Variants in PCDHGB3 observed in about 807,000 individuals in gnomAD.
PCDHGB3 encodes protocadherin gamma subfamily B, 3.
Under a neutral mutation model 59.2 loss-of-function variants are expected in PCDHGB3, and 40 were observed. The ratio of observed to expected loss-of-function variants is 0.68; its 90% CI spans 0.52 to 0.88. The LOEUF is 0.88. Ranked by LOEUF, PCDHGB3 falls within the 40% of genes least tolerant of loss-of-function variation. The pLI is 0.00. For missense variants in PCDHGB3, 1,309 were observed against 1,187.9 expected (o/e 1.10, Z -1.50); for synonymous variants, 581 against 503.6 (o/e 1.15, Z -2.06).
In PCDHGB3 at chr5:141,374,145, G is replaced by A. The variant is rs749263007; in HGVS notation, c.2415+1336G>A. 36 of 1,610,792 alleles carry A rather than the reference G, an allele frequency of 2.2e-5. No homozygotes were observed. In the Admixed American group the frequency reaches 2.8e-4, roughly 13 times the overall value. ...CAGGTCCTGCTCCTCACGCTCCTGG[G>A]GACGCTGTGGGGGGCCGCGGCAGCG... On this transcript the variant is annotated intron_variant, in intron 1 of 3. Transcript: ENST00000576222.
intron 1 of PCDHGB3, chr5:141,404,643 AC>A (rs769032535): frequency 2.5e-6 from 4 of 1,614,126 alleles, no homozygotes; most frequent in East Asian, 4.5e-5. Flanking sequence ...GAAATCCTGT[AC>A]CCTGCCCTCC....
chr5:141,370,955 T>C lies in PCDHGB3; in HGVS notation c.561T>C (p.Asp187=), dbSNP rs780139792. 7.4e-6 allele frequency: 12 copies of C among 1,613,996 alleles called. No homozygotes were observed. Among genetic ancestry groups the C allele is most frequent in the South Asian group, 4.4e-5 (4 of 91,086 alleles). Residue 187 remains aspartate, a synonymous_variant, in exon 1 of 4, where the codon GAT becomes GAC. Coordinates refer to ENST00000576222, the MANE Select transcript of PCDHGB3 (RefSeq NM_018924.5). ...HFSLIQKENL[D]GSRYPELVLK... ...CTTTGATTCAGAAGGAGAACCTGGA[T>C]GGCAGTAGGTACCCAGAGCTAGTAC...
chr5:141,483,648 T>TTG (rs111458813), intron 1 of PCDHGB3, among the ~76,000 whole-genome samples: 1,883 of 149,700 alleles, frequency 0.013, 19 homozygotes, highest in African/African-American at 0.023. Flanking sequence ...GGGTGTGTGT[T>TTG]TGTGTGTGTG....
chr5:141,418,606 T>A (rs1279991875), intron 1 of PCDHGB3: 1 of 1,614,030 alleles, frequency 6.2e-7, no homozygotes. Context: ...TGTACAGGGT[T>A]AGCCTTCGGG....
At chr5:141,408,052 C>G in intron 1 of PCDHGB3, 1 of 1,283,102 alleles carries the variant, frequency 7.8e-7, no homozygotes, top group Non-Finnish European at 1.0e-6. Flanking sequence ...CACACAGAGC[C>G]TCCCGGCTGC....
chr5:141,423,011 T>C, intron 1 of PCDHGB3: 4 of 1,614,186 alleles, frequency 2.5e-6, no homozygotes, highest in Non-Finnish European at 3.4e-6. Flanking sequence ...GTGGTTGCGG[T>C]GGACAAAGAT....
intron 1 of PCDHGB3, chr5:141,419,783 C>A: frequency 1.2e-6 from 2 of 1,614,070 alleles, no homozygotes; most frequent in Non-Finnish European, 1.7e-6. Context: ...CCGCCAGCGC[C>A]TGCTAGTCGC....
chr5:141,394,968 T>A, intron 1 of PCDHGB3: 1 of 1,613,938 alleles, frequency 6.2e-7, no homozygotes, highest in Non-Finnish European at 8.5e-7. Flanking sequence ...GCTGAGGCGC[T>A]GGCACAAGTC....
At chr5:141,449,328 C>G (rs1340432771) in intron 1 of PCDHGB3, among the ~76,000 whole-genome samples, 1 of 151,866 alleles carries the variant, frequency 6.6e-6, no homozygotes, top group African/African-American at 2.4e-5. Flanking sequence ...ATCTGTAGGC[C>G]AGGTGCAGTG....
intron 1 of PCDHGB3, among the ~76,000 whole-genome samples, chr5:141,443,832 A>G (rs2098407108): frequency 6.6e-6 from 1 of 152,224 alleles, no homozygotes; most frequent in African/African-American, 2.4e-5. Context: ...ATTAGGTAAA[A>G]TGGGTAATAT....
chr5:141,394,138 T>C (rs1360282699), intron 1 of PCDHGB3: 1 of 1,613,860 alleles, frequency 6.2e-7, no homozygotes. Flanking sequence ...GCTCTGCACG[T>C]GGCAGACATT....
At chr5:141,499,679 T>G (rs2099793341) in intron 2 of PCDHGB3, among the ~76,000 whole-genome samples, 1 of 150,922 alleles carries the variant, frequency 6.6e-6, no homozygotes, top group South Asian at 2.1e-4. Context: ...CCACCATCTT[T>G]AACAGATGAC....
chr5:141,370,814 G>A lies in PCDHGB3; in HGVS notation c.420G>A (p.Leu140=), dbSNP rs1177067134. ...PPTFSQNITE[L]EISELALTGA... ...CCTTTAGCCAAAATATCACTGAGCT[G>A]GAAATCAGCGAACTGGCTCTCACTG... The change falls in exon 1 of 4, where the codon CTG becomes CTA. Residue 140 remains leucine (L), a synonymous_variant. Coordinates refer to ENST00000576222, the MANE Select transcript of PCDHGB3 (RefSeq NM_018924.5). The A allele has an allele frequency of 9.9e-6, 16 of 1,613,906 alleles. No individual in the cohort carries two copies. Among genetic ancestry groups the A allele is most frequent in the Non-Finnish European group, 1.4e-5 (16 of 1,179,900 alleles).
intron 1 of PCDHGB3, among the ~76,000 whole-genome samples, chr5:141,481,241 A>C (rs557107835): frequency 2.0e-5 from 3 of 152,350 alleles, no homozygotes; most frequent in South Asian, 2.1e-4. Flanking sequence ...AGTATTACAT[A>C]GCATAGCTCT....
intron 1 of PCDHGB3, chr5:141,428,187 C>T: frequency 1.4e-6 from 2 of 1,439,502 alleles, no homozygotes; most frequent in Non-Finnish European, 1.9e-6. Context: ...GGACAGCCGC[C>T]GCTCTCTGCG....
Position 141,372,263 on chromosome 5 carries a change from G to A in PCDHGB3, c.1869G>A (p.Thr623=). Reference sequence around the variant, plus strand: ...GGCTGTTCAGCCTGGGCCTGCGCACGGGTGAGGTGCGCACGGCGCGTACCT... The same window carrying A: ...GGCTGTTCAGCCTGGGCCTGCGCACAGGTGAGGTGCGCACGGCGCGTACCT... ...EPGLFSLGLR[T]GEVRTARTLG... The change falls in exon 1 of 4, where the codon ACG becomes ACA. Residue 623 remains threonine, a synonymous_variant. Coordinates refer to ENST00000576222, the MANE Select transcript of PCDHGB3 (RefSeq NM_018924.5). The A allele has an allele frequency of 6.2e-7, 1 of 1,613,110 alleles. No homozygotes were observed. The highest frequency in any genetic ancestry group is 1.7e-5 in the Admixed American group (1 of 60,006).
intron 1 of PCDHGB3, chr5:141,420,300 C>T (rs773892933): frequency 1.6e-5 from 24 of 1,467,248 alleles, no homozygotes; most frequent in African/African-American, 2.8e-5. Context: ...TGTATTTAAT[C>T]CTTTTTATAT....
chr5:141,414,578 A>G, intron 1 of PCDHGB3: 1 of 1,613,960 alleles, frequency 6.2e-7, no homozygotes, highest in Non-Finnish European at 8.5e-7. Context: ...ATCCCAGAGA[A>G]CAACGCCAGG....
chr5:141,413,248 GGGATTCCATGGGA>G (rs1349440144), intron 1 of PCDHGB3: 4 of 1,613,844 alleles, frequency 2.5e-6, no homozygotes, highest in Non-Finnish European at 2.5e-6. Context: ...CCTTTTCTTC[GGGATTCCATGGGA>G]GGCTGGAGCC....
Sources: gnomAD v4.1 joint callset for allele counts (sites outside exome capture counted in the v4.1 genomes callset) on GRCh38, gnomAD v4.1.1 for gene constraint, MANE v1.5 for transcripts, NCBI Gene and HGNC (gene_info 2026-07-23, HGNC 2026-07-21) for gene names.